NUP155: variants seen among roughly 807,000 people sequenced by gnomAD.
NUP155 encodes the protein nuclear pore complex protein Nup155.
NUP155 carries 71 observed loss-of-function variants against 180.4 expected under a neutral mutation model. That is an observed-to-expected ratio of 0.39 (90% confidence interval 0.33 to 0.48). The LOEUF is 0.48. Ranked by LOEUF, NUP155 falls within the 20% of genes least tolerant of loss-of-function variation. The pLI, the probability that NUP155 is intolerant of heterozygous loss-of-function variation, is 0.91. For synonymous variants in NUP155, 582 were observed against 559.5 expected, an observed-to-expected ratio of 1.04 and a Z score of -0.57; for missense variants, 1,553 against 1,648.9, an observed-to-expected ratio of 0.94 and a Z score of 1.01.
chr5:37,317,500 C>A (rs62354995), intron 21 of NUP155, among the ~76,000 whole-genome samples: 4,684 of 151,170 alleles, frequency 0.031, 111 homozygotes, highest in Non-Finnish European at 0.048. Context: ...GAAACATAAA[C>A]AAATAAAAAG....
chr5:37,344,358 AAAAG>A (rs1331141428), intron 9 of NUP155, among the ~76,000 whole-genome samples: 5 of 150,186 alleles, frequency 3.3e-5, no homozygotes, highest in Non-Finnish European at 5.9e-5. Context: ...AAAAAAAAAA[AAAAG>A]AAAGAAAATA....
chr5:37,340,636 G>A (rs563730375), intron 11 of NUP155, among the ~76,000 whole-genome samples: 1 of 152,194 alleles, frequency 6.6e-6, no homozygotes, highest in African/African-American at 2.4e-5. Context: ...CAATTCAATG[G>A]GGGATATAAT....
intron 22 of NUP155, among the ~76,000 whole-genome samples, chr5:37,312,785 A>C (rs143401637): frequency 6.6e-6 from 1 of 152,200 alleles, no homozygotes; most frequent in African/African-American, 2.4e-5. Flanking sequence ...AGCCGTGATC[A>C]TGCCACTGCA....
intron 19 of NUP155, among the ~76,000 whole-genome samples, chr5:37,325,212 A>T (rs763453950): frequency 6.6e-6 from 1 of 152,116 alleles, no homozygotes; most frequent in Non-Finnish European, 1.5e-5. Context: ...AATTCATAGA[A>T]ATTAGTGCTG....
rs1211738861 is a variant in NUP155, at chr5:37,344,496, T to TA, written c.996-1851dup. Among the ~76,000 whole-genome samples, 246 of 125,792 alleles carry TA rather than the reference T, an allele frequency of 2.0e-3. 2 individuals are homozygous for TA. Among genetic ancestry groups the TA allele is most frequent in the South Asian group, 4.9e-3 (20 of 4,096 alleles). The allele number at this position is 125,792 out of a possible 152,430, so 82.5% of individuals were successfully genotyped here. A position where few individuals can be genotyped will look rare whatever the true frequency, so the allele number is the denominator to read the frequency against. ...CCCTTCCTTCCAAACGTCAATATTATAAAAAAAAAAAAAGGTGGCCAGGGG... is the reference window on the plus strand; with the variant it reads ...CCCTTCCTTCCAAACGTCAATATTATAAAAAAAAAAAAAAGGTGGCCAGGGG... On this transcript the variant is annotated intron_variant, in intron 9 of 34. Transcript: ENST00000231498.
chr5:37,313,473 ATGTGTGTG>A (rs34904169), intron 22 of NUP155, among the ~76,000 whole-genome samples: 36 of 143,456 alleles, frequency 2.5e-4, no homozygotes, highest in South Asian at 6.7e-4. Flanking sequence ...AGTGGTGTAT[ATGTGTGTG>A]TGTGTGTGTG....
intron 33 of NUP155, 111 bp downstream of exon 33, chr5:37,294,218 A>G: frequency 1.4e-6 from 1 of 731,342 alleles, no homozygotes; most frequent in Non-Finnish European, 2.3e-6. Flanking sequence ...AACCAAGTGT[A>G]ATTAGACTAA....
chr5:37,369,268 AAAAG>A (rs1747806577), intron 1 of NUP155, among the ~76,000 whole-genome samples: 1 of 152,176 alleles, frequency 6.6e-6, no homozygotes, highest in Non-Finnish European at 1.5e-5. Context: ...AAGAACAAGA[AAAAG>A]AAAGACAACA....
intron 16 of NUP155, among the ~76,000 whole-genome samples, chr5:37,328,816 T>G (rs1426822170): frequency 3.3e-5 from 5 of 152,192 alleles, no homozygotes; most frequent in African/African-American, 7.2e-5. Context: ...CAGAAGCTAT[T>G]TCTAAGCATA....
rs1158881331 is a variant in NUP155, at chr5:37,337,765, T to A, written c.1347+53A>T. ...GAAGATAAAAGTTTCTTCCATATTA[T>A]CCTTCACTTAAAATTATATAATAGT... On this transcript the variant is annotated intron_variant, in intron 12 of 34. Transcript: ENST00000231498. The A allele has an allele frequency of 1.5e-5, 16 of 1,065,414 alleles. 2 individuals are homozygous for A. The East Asian group carries it at 3.8e-4, about 25-fold the overall frequency. 66.0% of individuals were successfully genotyped at this position (1,065,414 alleles called of 1,614,324 possible). A position where few individuals can be genotyped will look rare whatever the true frequency, so the allele number is the denominator to read the frequency against.
chr5:37,313,326 G>A (rs1049256797), intron 22 of NUP155, among the ~76,000 whole-genome samples: 3 of 152,056 alleles, frequency 2.0e-5, no homozygotes, highest in Middle Eastern at 3.4e-3. Flanking sequence ...AGCTACTCAG[G>A]AGGCTGAGGC....
chr5:37,331,770 C>G lies in NUP155; in HGVS notation c.1544G>C (p.Arg515Thr). 6.2e-7 allele frequency: 1 copy of G among 1,610,254 alleles called. No individual in the cohort carries two copies. Among genetic ancestry groups the G allele is most frequent in the Non-Finnish European group, 8.5e-7 (1 of 1,177,938 alleles). The change falls in exon 14 of 35, where the codon AGA (arginine) becomes ACA (threonine). Residue 515 changes from arginine (R) to threonine (T), a missense_variant. Coordinates refer to ENST00000231498, the MANE Select transcript of NUP155 (RefSeq NM_153485.3). ...TAGATGCCTCAGTTGATCTACAGGT[C>G]TAAGTTTATGAAACATAAGGCTCCC... ...AQGSLMFHKL[R>T]PVDQLRHLLV...
chr5:37,352,731 C>G lies in NUP155; in HGVS notation c.556+6G>C. On this transcript the variant is annotated splice_donor_region_variant and intron_variant, in intron 5 of 34. Coordinates refer to ENST00000231498, the MANE Select transcript of NUP155 (RefSeq NM_153485.3). Reference sequence around the variant, plus strand: ...TTAAAAAACGTTAACATGTGGGTTGCCATACCTGTTTGCAAATTAGCATAG... The same window carrying G: ...TTAAAAAACGTTAACATGTGGGTTGGCATACCTGTTTGCAAATTAGCATAG... 2 of 1,597,612 alleles carry G rather than the reference C, an allele frequency of 1.3e-6. No individual in the cohort carries two copies. Among genetic ancestry groups the G allele is most frequent in the Non-Finnish European group, 1.7e-6 (2 of 1,165,214 alleles).
chr5:37,302,414 T>A (rs911592818), intron 29 of NUP155, among the ~76,000 whole-genome samples: 1 of 152,144 alleles, frequency 6.6e-6, no homozygotes. Flanking sequence ...TGTATTTTTT[T>A]AAGTAGAGAC....
In NUP155 at chr5:37,363,885, T is replaced by C; in HGVS notation, c.392+3A>G. On this transcript the variant is annotated splice_donor_region_variant and intron_variant, in intron 3 of 34. Coordinates refer to ENST00000231498, the MANE Select transcript of NUP155 (RefSeq NM_153485.3). ...TTAAAGCAAACCAGCCTTAAATACA[T>C]ACCCATCCTCATAGTTCCACATGAA... 2 of 1,597,276 alleles carry C rather than the reference T, an allele frequency of 1.3e-6. No individual in the cohort carries two copies. Among genetic ancestry groups the C allele is most frequent in the Non-Finnish European group, 1.7e-6 (2 of 1,164,706 alleles).
chr5:37,306,745 G>A (rs909310589), intron 25 of NUP155, among the ~76,000 whole-genome samples: 11 of 152,068 alleles, frequency 7.2e-5, no homozygotes, highest in African/African-American at 2.4e-4. Flanking sequence ...GATTACAGGC[G>A]TGAGCCACTG....
In NUP155 at chr5:37,350,032, A is replaced by T. The variant is rs556711971; in HGVS notation, c.829+128T>A. The T allele has an allele frequency of 1.9e-5, 14 of 734,134 alleles. No homozygotes were observed. In the South Asian group the frequency reaches 2.1e-4, roughly 11 times the overall value. 45.5% of individuals were successfully genotyped at this position (734,134 alleles called of 1,614,324 possible). A position where few individuals can be genotyped will look rare whatever the true frequency, so the allele number is the denominator to read the frequency against. On this transcript the variant is annotated intron_variant, in intron 7 of 34. Coordinates refer to ENST00000231498, the MANE Select transcript of NUP155 (RefSeq NM_153485.3). ...CCTTACCCTTTAAAAGACCTTATGA[A>T]TATATAAGAAATGCTACTTAACATA... is the stretch of plus-strand genomic sequence containing the variant.
At chr5:37,347,592 A>G (rs1323004561) in intron 9 of NUP155, among the ~76,000 whole-genome samples, 1 of 151,188 alleles carries the variant, frequency 6.6e-6, no homozygotes, top group Non-Finnish European at 1.5e-5. Flanking sequence ...GCTACTCAGG[A>G]GGCTACGGCA....
intron 34 of NUP155, 151 bp from the exon 35 acceptor site, chr5:37,292,189 C>A (rs1430357838): frequency 9.4e-6 from 7 of 744,116 alleles, no homozygotes; most frequent in Middle Eastern, 2.4e-4. Flanking sequence ...AAAAAGAAAA[C>A]TTGGGTGTAG....
Sources: gnomAD v4.1 joint callset for allele counts (sites outside exome capture counted in the v4.1 genomes callset) on GRCh38, gnomAD v4.1.1 for gene constraint, MANE v1.5 for transcripts, NCBI Gene and HGNC (gene_info 2026-07-23, HGNC 2026-07-21) for gene names.